The following EXT1 variants were observed in gnomAD, a reference collection of about 807,000 sequenced individuals.
EXT1 encodes the protein exostosin-1.
EXT1 carries 20 observed loss-of-function variants against 82.5 expected under a neutral mutation model. The ratio of observed to expected loss-of-function variants is 0.24; its 90% CI spans 0.17 to 0.35. The LOEUF is 0.35. Among genes scored for constraint, EXT1 ranks in the 10% least tolerant of loss-of-function variants. EXT1 has a pLI of 1.00. For missense variants in EXT1, 757 were observed against 936.5 expected, an observed-to-expected ratio of 0.81 and a Z score of 2.50; for synonymous variants, 348 against 350.8, an observed-to-expected ratio of 0.99 and a Z score of 0.09.
intron 1 of EXT1, among the ~76,000 whole-genome samples, chr8:117,955,290 G>A (rs1446187673): frequency 1.3e-5 from 2 of 152,176 alleles, no homozygotes; most frequent in Non-Finnish European, 2.9e-5. Context: ...AGGCATGATA[G>A]ATAATTAAAC....
At chr8:117,872,923 G>C (rs1057485413) in intron 1 of EXT1, among the ~76,000 whole-genome samples, 9 of 152,082 alleles carry the variant, frequency 5.9e-5, no homozygotes, top group African/African-American at 1.2e-4. Context: ...TTTTCTTCAA[G>C]GGTTAGGGAG....
chr8:118,097,476 A>C (rs1278920215), intron 1 of EXT1, among the ~76,000 whole-genome samples: 1 of 152,076 alleles, frequency 6.6e-6, no homozygotes, highest in Non-Finnish European at 1.5e-5. Flanking sequence ...AATAAAAATA[A>C]ATAAAATCTG....
chr8:117,986,013 G>A (rs1253006248), intron 1 of EXT1, among the ~76,000 whole-genome samples: 4 of 152,020 alleles, frequency 2.6e-5, no homozygotes, highest in Non-Finnish European at 5.9e-5. Flanking sequence ...ATAAACCCTA[G>A]TGTATTCTTG....
At chr8:118,000,024 TAC>T (rs1175149857) in intron 1 of EXT1, among the ~76,000 whole-genome samples, 2 of 151,514 alleles carry the variant, frequency 1.3e-5, no homozygotes, top group African/African-American at 2.4e-5. Flanking sequence ...CACACACACA[TAC>T]ACACACACAC....
At chr8:117,815,562 A>G (rs1811795783) in intron 7 of EXT1, among the ~76,000 whole-genome samples, 1 of 152,206 alleles carries the variant, frequency 6.6e-6, no homozygotes, top group Non-Finnish European at 1.5e-5. Context: ...GTTAAACCTG[A>G]GTGAACTGGG....
At chr8:117,821,028 A>G (rs563243835) in intron 5 of EXT1, among the ~76,000 whole-genome samples, 1 of 152,308 alleles carries the variant, frequency 6.6e-6, no homozygotes, top group Admixed American at 6.5e-5. Flanking sequence ...CTCACTAAGA[A>G]ATTAGAGACA....
intron 1 of EXT1, among the ~76,000 whole-genome samples, chr8:118,011,399 A>G (rs949040597): frequency 6.6e-6 from 1 of 152,216 alleles, no homozygotes; most frequent in Non-Finnish European, 1.5e-5. Context: ...GAATTCTGCA[A>G]TAGCTTTTAA....
At chr8:117,943,217 C>A (rs1347879345) in intron 1 of EXT1, among the ~76,000 whole-genome samples, 1 of 152,086 alleles carries the variant, frequency 6.6e-6, no homozygotes, top group Non-Finnish European at 1.5e-5. Flanking sequence ...GTAAACATTG[C>A]CTGATAATGG....
intron 1 of EXT1, among the ~76,000 whole-genome samples, chr8:117,890,110 A>C (rs1813217330): frequency 6.6e-6 from 1 of 152,248 alleles, no homozygotes; most frequent in Non-Finnish European, 1.5e-5. Context: ...CAACAGAGTA[A>C]GAATAGTAAC....
chr8:118,055,139 T>C (rs1026044975), intron 1 of EXT1, among the ~76,000 whole-genome samples: 2 of 152,182 alleles, frequency 1.3e-5, no homozygotes, highest in Non-Finnish European at 2.9e-5. Context: ...TCTCTTTTCC[T>C]TACCATCCAC....
chr8:117,888,661 A>G (rs922104700), intron 1 of EXT1, among the ~76,000 whole-genome samples: 1 of 152,222 alleles, frequency 6.6e-6, no homozygotes, highest in Non-Finnish European at 1.5e-5. Flanking sequence ...AGGAAGCCAG[A>G]AGCTGATGTT....
At chr8:118,093,229 GA>G (rs1009728653) in intron 1 of EXT1, among the ~76,000 whole-genome samples, 7 of 51,618 alleles carry the variant, frequency 1.4e-4, no homozygotes, top group Admixed American at 2.6e-4. Context: ...ATGCTTGGCA[GA>G]AAACAATATA....
At chr8:117,930,782 G>A (rs1814045231) in intron 1 of EXT1, among the ~76,000 whole-genome samples, 1 of 152,118 alleles carries the variant, frequency 6.6e-6, no homozygotes, top group African/African-American at 2.4e-5. Context: ...TTAGTCATAG[G>A]GCGAGATAGG....
At chr8:117,855,684 T>C (rs1346692751) in intron 1 of EXT1, among the ~76,000 whole-genome samples, 1 of 152,304 alleles carries the variant, frequency 6.6e-6, no homozygotes, top group Non-Finnish European at 1.5e-5. Flanking sequence ...ATTTATTTAT[T>C]TAGAGACGGA....
intron 1 of EXT1, among the ~76,000 whole-genome samples, chr8:117,846,878 T>TC (rs1812370659): frequency 1.3e-5 from 2 of 152,068 alleles, no homozygotes; most frequent in Admixed American, 1.3e-4. Context: ...AGGGAGCACT[T>TC]CTTCCCTACA....
intron 1 of EXT1, among the ~76,000 whole-genome samples, chr8:118,026,735 C>A (rs1816209266): frequency 6.6e-6 from 1 of 152,146 alleles, no homozygotes; most frequent in Non-Finnish European, 1.5e-5. Context: ...TTAGCTACTA[C>A]AAACAACCAT....
intron 1 of EXT1, among the ~76,000 whole-genome samples, chr8:118,070,804 G>A (rs1817076393): frequency 6.6e-6 from 1 of 152,166 alleles, no homozygotes; most frequent in Admixed American, 6.5e-5. Flanking sequence ...TGGAAGCTAT[G>A]TGTAACTGTT....
At chr8:118,062,125 G>A (rs1429177762) in intron 1 of EXT1, among the ~76,000 whole-genome samples, 2 of 151,924 alleles carry the variant, frequency 1.3e-5, no homozygotes, top group East Asian at 1.9e-4. Flanking sequence ...GAAGAAACGT[G>A]GACACGTGTT....
intron 1 of EXT1, among the ~76,000 whole-genome samples, chr8:118,078,454 T>A (rs1182028832): frequency 2.0e-5 from 3 of 151,904 alleles, no homozygotes; most frequent in African/African-American, 4.8e-5. Flanking sequence ...CACCTCAGCC[T>A]CCCAGAGTGT....
Sources: allele counts gnomAD v4.1 joint callset (sites outside exome capture counted in the v4.1 genomes callset), GRCh38; gene constraint gnomAD v4.1.1; transcripts MANE v1.5; gene names NCBI Gene and HGNC (gene_info 2026-07-23, HGNC 2026-07-21).